EPHA7: variants seen among roughly 807,000 people sequenced by gnomAD.
The protein encoded by EPHA7 is EPH receptor A7.
A neutral mutation model predicts 112.6 loss-of-function variants in EPHA7; 25 were observed. That is an observed-to-expected ratio of 0.22 (90% CI 0.16 to 0.31). The LOEUF (loss-of-function observed/expected upper bound fraction) is 0.31, where lower values mean the gene tolerates loss of function less well. EPHA7 is among the 10% of genes least tolerant of loss of function. The pLI is 1.00. For synonymous variants in EPHA7, 437 were observed against 406.5 expected, an observed-to-expected ratio of 1.07 and a Z score of -0.90; for missense variants, 962 against 1,212.6, an observed-to-expected ratio of 0.79 and a Z score of 3.07.
intron 5 of EPHA7, among the ~76,000 whole-genome samples, chr6:93,336,312 T>C (rs886407851): frequency 6.6e-6 from 1 of 152,032 alleles, no homozygotes; most frequent in African/African-American, 2.4e-5. Flanking sequence ...TCATATCTCA[T>C]ATGTTACAAA....
rs1334823053 is a variant in EPHA7 at position 93,358,428 on chromosome 6, A to C, written c.833-17T>G. 1 of 1,586,180 alleles carries C rather than the reference A, an allele frequency of 6.3e-7. No homozygotes were observed. The highest frequency in any genetic ancestry group is 8.6e-7 in the Non-Finnish European group (1 of 1,168,244). On this transcript the variant is annotated splice_polypyrimidine_tract_variant and intron_variant, in intron 3 of 16. Transcript: ENST00000369303. ...GGCCACAGGCTGGGAATGCAAAAGA[A>C]AGCAAAAATTGAGACATGAGAGCAA...
intron 5 of EPHA7, among the ~76,000 whole-genome samples, chr6:93,311,035 G>A (rs1029893008): frequency 1.3e-5 from 2 of 150,290 alleles, no homozygotes; most frequent in African/African-American, 4.9e-5. Context: ...CTGCAACCTT[G>A]ACCTCCTGGG....
chr6:93,304,135 T>C (rs1773132991), intron 5 of EPHA7, among the ~76,000 whole-genome samples: 1 of 150,776 alleles, frequency 6.6e-6, no homozygotes. Context: ...ATGGATTGGC[T>C]GTCATGAATA....
rs1186079870 is a variant in EPHA7, at chr6:93,291,801, C to A, written c.1325-19379G>T. 2.9e-5 allele frequency among the ~76,000 whole-genome samples: 4 copies of A among 139,238 alleles called. 1 individual carries two copies. Among genetic ancestry groups the A allele is most frequent in the Non-Finnish European group, 3.1e-5 (2 of 64,164 alleles). The allele number at this position is 139,238 out of a possible 152,430, so 91.3% of individuals were successfully genotyped here. A position where few individuals can be genotyped will look rare whatever the true frequency, so the allele number is the denominator to read the frequency against. On this transcript the variant is annotated intron_variant, in intron 5 of 16. Transcript: ENST00000369303. ...AAAAAAAAAAAATACTTTTCTGGAA[C>A]CAGATTACCAGGTTATGTGTACAAA... is the stretch of plus-strand genomic sequence containing the variant.
Position 93,335,106 on chromosome 6 carries a change from A to G in EPHA7, c.1324+21611T>C, listed in dbSNP as rs16871176. Among the ~76,000 whole-genome samples, 931 of 152,210 alleles carry G rather than the reference A, an allele frequency of 6.1e-3. 12 individuals are homozygous for G. The highest frequency in any genetic ancestry group is 0.021 in the African/African-American group (877 of 41,562). ...TTAACTTCTCTCAGCATTTGGAGTA[A>G]TAACATATTCCTCACAAAACTATCG... On this transcript the variant is annotated intron_variant, in intron 5 of 16. Coordinates refer to ENST00000369303, the MANE Select transcript of EPHA7 (RefSeq NM_004440.4).
chr6:93,374,320 G>T (rs1776946671), intron 3 of EPHA7, among the ~76,000 whole-genome samples: 1 of 152,044 alleles, frequency 6.6e-6, no homozygotes, highest in Non-Finnish European at 1.5e-5. Context: ...ATAGAGATAT[G>T]AATTTATATA....
chr6:93,358,542 T>C, intron 3 of EPHA7, 131 bp from the exon 4 acceptor site: 1 of 735,444 alleles, frequency 1.4e-6, no homozygotes, highest in Non-Finnish European at 2.0e-6. Context: ...TGATAAAATA[T>C]TCATTTTAGG....
At chr6:93,383,047 T>C (rs187385320) in intron 3 of EPHA7, among the ~76,000 whole-genome samples, 8 of 152,276 alleles carry the variant, frequency 5.3e-5, no homozygotes, top group Non-Finnish European at 1.0e-4. Context: ...CTTAATTTGA[T>C]GGACCCATCA....
intron 12 of EPHA7, among the ~76,000 whole-genome samples, chr6:93,256,824 A>T (rs751336819): frequency 1.3e-5 from 2 of 152,136 alleles, no homozygotes; most frequent in African/African-American, 2.4e-5. Context: ...GTTAAATATG[A>T]TTCTAGATCA....
chr6:93,266,288 T>C (rs1231234143), intron 7 of EPHA7, among the ~76,000 whole-genome samples: 2 of 151,666 alleles, frequency 1.3e-5, no homozygotes, highest in African/African-American at 4.8e-5. Flanking sequence ...ACATATGTTA[T>C]GAAATTCTTT....
At chr6:93,406,754 C>T (rs557721387) in intron 3 of EPHA7, among the ~76,000 whole-genome samples, 1 of 151,828 alleles carries the variant, frequency 6.6e-6, no homozygotes, top group Non-Finnish European at 1.5e-5. Context: ...AAGCACTATT[C>T]TACTTTCTAA....
intron 3 of EPHA7, among the ~76,000 whole-genome samples, chr6:93,374,134 T>C (rs904611249): frequency 6.6e-6 from 1 of 152,096 alleles, no homozygotes; most frequent in Admixed American, 6.6e-5. Flanking sequence ...CTAGAGATAG[T>C]TCTATGAAGG....
intron 5 of EPHA7, among the ~76,000 whole-genome samples, chr6:93,336,834 T>A: frequency 6.6e-6 from 1 of 151,448 alleles, no homozygotes; most frequent in East Asian, 1.9e-4. Context: ...AATTTTACCA[T>A]AAATTTGAAG....
intron 5 of EPHA7, among the ~76,000 whole-genome samples, chr6:93,316,485 T>C (rs1773817968): frequency 6.6e-6 from 1 of 152,132 alleles, no homozygotes; most frequent in African/African-American, 2.4e-5. Context: ...GCTTGTATTA[T>C]ATTACATACT....
At position 93,410,724 on chromosome 6, in the gene EPHA7, C is replaced by T. The variant is rs1778936323; in HGVS notation, c.609G>A (p.Lys203=). ...IALVSVKVYY[K]KCWSIIENLA... Reference sequence around the variant, plus strand: ...AGTTCTCAATAATGGACCAGCACTTCTTGTAGTACACTTTGACAGAAACCA... The same window carrying T: ...AGTTCTCAATAATGGACCAGCACTTTTTGTAGTACACTTTGACAGAAACCA... The change falls in exon 3 of 17, where the codon AAG becomes AAA. Residue 203 remains lysine, a synonymous_variant. Transcript: ENST00000369303. The surrounding 1 kb of genome is among the most constrained non-coding windows in gnomAD (Gnocchi z 4.0). The T allele has an allele frequency of 6.2e-7, 1 of 1,614,016 alleles. No individual in the cohort carries two copies.
chr6:93,283,033 C>G (rs1046302956), intron 5 of EPHA7, among the ~76,000 whole-genome samples: 1 of 152,200 alleles, frequency 6.6e-6, no homozygotes, highest in South Asian at 2.1e-4. Flanking sequence ...CCTGCGGCCC[C>G]GGTGCGGGAT....
At chr6:93,356,322 C>T (rs558066082) in intron 5 of EPHA7, among the ~76,000 whole-genome samples, 44 of 152,092 alleles carry the variant, frequency 2.9e-4, no homozygotes, top group Middle Eastern at 3.4e-3. Flanking sequence ...ATTCTCCTGC[C>T]TCAGCCTCTC....
At chr6:93,318,994 A>G (rs1773940212) in intron 5 of EPHA7, among the ~76,000 whole-genome samples, 1 of 152,096 alleles carries the variant, frequency 6.6e-6, no homozygotes, top group Non-Finnish European at 1.5e-5. Flanking sequence ...CTTCCTCCTA[A>G]TGTCACAAAC....
rs772101917 is a variant in EPHA7 at position 93,240,428 on chromosome 6, T to C, written c.*2998A>G. 4.6e-6 allele frequency: 1 copy of C among 219,172 alleles called. No individual in the cohort carries two copies. The highest frequency in any genetic ancestry group is 9.2e-6 in the Non-Finnish European group (1 of 109,202). The allele number at this position is 219,172 out of a possible 1,614,324, so 13.6% of individuals were successfully genotyped here. ...GATAAGAAGAGCAATTAAAATATAG[T>C]CCTAAACAGTACTAGCTAATGTAGA... On this transcript the variant is annotated 3_prime_UTR_variant, in exon 17 of 17. Coordinates refer to ENST00000369303, the MANE Select transcript of EPHA7 (RefSeq NM_004440.4).
Sources: gnomAD v4.1 joint callset for allele counts (sites outside exome capture counted in the v4.1 genomes callset) on GRCh38, gnomAD v4.1.1 for gene constraint, Gnocchi (gnomAD v3.1) non-coding constraint, MANE v1.5 for transcripts, NCBI Gene and HGNC (gene_info 2026-07-23, HGNC 2026-07-21) for gene names.